The following PGAP4 variants were observed in gnomAD, a reference collection of about 807,000 sequenced individuals.
The protein encoded by PGAP4 is GPI-N-acetylgalactosamine transferase PGAP4.
A neutral mutation model predicts 28.2 loss-of-function variants in PGAP4; 12 were observed. That is an observed-to-expected ratio of 0.42 (90% CI 0.27 to 0.69). The LOEUF is 0.69. Among genes scored for constraint, PGAP4 ranks in the 30% least tolerant of loss-of-function variants. The pLI, the probability that PGAP4 is intolerant of heterozygous loss-of-function variation, is 0.22. For synonymous variants in PGAP4, 205 were observed against 211.8 expected (o/e 0.97, Z 0.28); for missense variants, 425 against 513.5 (o/e 0.83, Z 1.67).
intron 2 of PGAP4, among the ~76,000 whole-genome samples, chr9:101,511,651 G>T (rs1826899934): frequency 1.3e-5 from 2 of 152,076 alleles, no homozygotes; most frequent in Non-Finnish European, 2.9e-5. Flanking sequence ...GAATCAGTAG[G>T]TATTGGTGAG....
At chr9:101,532,467 G>T (rs1425609658) in intron 1 of PGAP4, among the ~76,000 whole-genome samples, 1 of 152,046 alleles carries the variant, frequency 6.6e-6, no homozygotes, top group African/African-American at 2.4e-5. Flanking sequence ...AACCACGCAG[G>T]ACAGCCAATA....
At chr9:101,513,323 C>T (rs1275655797) in intron 2 of PGAP4, among the ~76,000 whole-genome samples, 1 of 152,196 alleles carries the variant, frequency 6.6e-6, no homozygotes, top group East Asian at 1.9e-4. Context: ...TGTGATTCTT[C>T]CAACCTTACA....
At chr9:101,522,179 C>T (rs1390782476) in intron 2 of PGAP4, among the ~76,000 whole-genome samples, 1 of 152,022 alleles carries the variant, frequency 6.6e-6, no homozygotes, top group African/African-American at 2.4e-5. Context: ...GAATAGAATG[C>T]ATATTCTCCG....
At position 101,486,303 on chromosome 9, in the gene PGAP4, C is replaced by T. The variant is rs907474134; in HGVS notation, c.-78+646G>A. Among the ~76,000 whole-genome samples, 1 of 152,234 alleles carries T rather than the reference C, an allele frequency of 6.6e-6. No homozygotes were observed. Among genetic ancestry groups the T allele is most frequent in the East Asian group, 1.9e-4 (1 of 5,170 alleles). On this transcript the variant is annotated intron_variant, in intron 1 of 1. Transcript: ENST00000374848. The surrounding 1 kb of genome is among the most constrained non-coding windows in gnomAD (Gnocchi z 4.7). Reference sequence around the variant, plus strand: ...TGAGCCTCAGTTTCCCACCCGTAGGCCGAGCTGACCGTCTCCATCGCTGCG... The same window carrying T: ...TGAGCCTCAGTTTCCCACCCGTAGGTCGAGCTGACCGTCTCCATCGCTGCG...
At chr9:101,492,757 G>C (rs1404209753) in intron 2 of PGAP4, among the ~76,000 whole-genome samples, 2 of 152,028 alleles carry the variant, frequency 1.3e-5, no homozygotes, top group Non-Finnish European at 2.9e-5. Context: ...TCCTGTGACT[G>C]AGTAGATTAG....
chr9:101,492,085 CTA>C (rs970711366), upstream of PGAP4, among the ~76,000 whole-genome samples: 7 of 151,524 alleles, frequency 4.6e-5, no homozygotes, highest in East Asian at 1.4e-3. Flanking sequence ...GTGAATTTGT[CTA>C]TTTCTCTTTT....
chr9:101,490,654 G>A (rs1826679183), upstream of PGAP4, among the ~76,000 whole-genome samples: 1 of 152,184 alleles, frequency 6.6e-6, no homozygotes, highest in African/African-American at 2.4e-5. Context: ...TTGTATAGCA[G>A]CAACTAATTT....
chr9:101,507,348 T>C (rs1826856608), intron 2 of PGAP4, among the ~76,000 whole-genome samples: 1 of 152,144 alleles, frequency 6.6e-6, no homozygotes, highest in Non-Finnish European at 1.5e-5. Context: ...TGTTCACTAT[T>C]TGGGACATGA....
upstream of PGAP4, chr9:101,489,168 A>C (rs1826662413): frequency 6.6e-6 from 1 of 152,218 alleles, no homozygotes; most frequent in Non-Finnish European, 1.5e-5. Context: ...ATCCGGCTTC[A>C]GAGTCCATTC....
chr9:101,475,887 G>T lies in PGAP4; in HGVS notation c.1206C>A (p.Leu402=), dbSNP rs374874442. 6.2e-7 allele frequency: 1 copy of T among 1,613,864 alleles called. No individual in the cohort carries two copies. Among genetic ancestry groups the T allele is most frequent in the Non-Finnish European group, 8.5e-7 (1 of 1,179,834 alleles). The change falls in exon 2 of 2, where the codon CTC becomes CTA. Residue 402 remains leucine, a synonymous_variant. Transcript: ENST00000374848. ...SSLRYNFHPS[L]L is the part of the protein sequence containing the mutation. ...AAAGGCATCTCTTGGCACCCTAGAG[G>T]AGACTGGGATGAAAGTTGTACCGGA... is the stretch of plus-strand genomic sequence containing the variant.
At chr9:101,503,531 G>A (rs1456342310) in intron 2 of PGAP4, among the ~76,000 whole-genome samples, 4 of 151,942 alleles carry the variant, frequency 2.6e-5, no homozygotes, top group African/African-American at 9.7e-5. Flanking sequence ...AATTTTATAT[G>A]ATTATTGTTA....
chr9:101,492,146 C>G (rs929333279), upstream of PGAP4, among the ~76,000 whole-genome samples: 2 of 151,522 alleles, frequency 1.3e-5, no homozygotes, highest in Admixed American at 1.3e-4. Context: ...GGCACATATA[C>G]GTTTATGATT....
intron 2 of PGAP4, among the ~76,000 whole-genome samples, chr9:101,522,963 G>A (rs113851020): frequency 9.9e-5 from 15 of 152,242 alleles, no homozygotes; most frequent in Middle Eastern, 6.8e-3. Context: ...GAAAAAGACT[G>A]TATCTTTCCT....
chr9:101,501,791 A>C (rs1412603972), intron 2 of PGAP4: 2 of 517,400 alleles, frequency 3.9e-6, no homozygotes, highest in Non-Finnish European at 7.7e-6. Flanking sequence ...TGCCAGACAC[A>C]AGAGATACAG....
chr9:101,507,931 C>A (rs555971020), intron 2 of PGAP4, among the ~76,000 whole-genome samples: 1 of 150,778 alleles, frequency 6.6e-6, no homozygotes, highest in South Asian at 2.1e-4. Flanking sequence ...TTTTTGAGAG[C>A]AGACCAATCT....
intron 2 of PGAP4, among the ~76,000 whole-genome samples, chr9:101,517,542 T>C (rs571758445): frequency 2.6e-5 from 4 of 152,236 alleles, no homozygotes; most frequent in Admixed American, 1.3e-4. Context: ...AAATCAAATA[T>C]GTGCTTTTAG....
intron 2 of PGAP4, among the ~76,000 whole-genome samples, chr9:101,498,498 T>C (rs1386790733): frequency 8.7e-6 from 1 of 114,384 alleles, no homozygotes; most frequent in Non-Finnish European, 1.9e-5. Flanking sequence ...CCTTTAAGAA[T>C]TTTTTTTTTT....
intron 1 of PGAP4, among the ~76,000 whole-genome samples, chr9:101,482,087 A>G (rs1826505954): frequency 6.6e-6 from 1 of 152,130 alleles, no homozygotes; most frequent in African/African-American, 2.4e-5. Context: ...CACTAATTTG[A>G]TCAATTTGTA....
intron 2 of PGAP4, among the ~76,000 whole-genome samples, chr9:101,523,683 C>T (rs1397644722): frequency 3.5e-5 from 4 of 112,678 alleles, no homozygotes; most frequent in Non-Finnish European, 6.8e-5. Flanking sequence ...TCGCCTTTCT[C>T]TGGTCCCTCC....
Sources: allele counts gnomAD v4.1 joint callset (sites outside exome capture counted in the v4.1 genomes callset), GRCh38; gene constraint gnomAD v4.1.1; non-coding constraint Gnocchi (gnomAD v3.1); transcripts MANE v1.5; gene names NCBI Gene and HGNC (gene_info 2026-07-23, HGNC 2026-07-21).